Variants in MTA3 observed in about 807,000 individuals in gnomAD.
MTA3 encodes metastasis associated 1 family member 3.
MTA3 carries 34 observed loss-of-function variants against 83.5 expected under a neutral mutation model. That is an observed-to-expected ratio of 0.41 (90% CI 0.31 to 0.54). The LOEUF (loss-of-function observed/expected upper bound fraction) is 0.54. MTA3 is among the 20% of genes least tolerant of loss of function. The pLI, the probability that MTA3 is intolerant of heterozygous loss-of-function variation, is 0.33. For missense variants in MTA3, 761 were observed against 726.4 expected, an observed-to-expected ratio of 1.05 and a Z score of -0.55; for synonymous variants, 303 against 252.7, an observed-to-expected ratio of 1.20 and a Z score of -1.89.
intron 6 of MTA3, among the ~76,000 whole-genome samples, chr2:42,655,097 C>T (rs1689052639): frequency 6.6e-6 from 1 of 152,140 alleles, no homozygotes; most frequent in African/African-American, 2.4e-5. Context: ...GCTGCTATGT[C>T]TCTCTCTCTC....
chr2:42,670,259 C>CA (rs796900270), intron 8 of MTA3, among the ~76,000 whole-genome samples: 3,769 of 105,218 alleles, frequency 0.036, 105 homozygotes, highest in African/African-American at 0.097. Flanking sequence ...AACTCCGTGT[C>CA]AAAAAAAAAA....
intron 1 of MTA3, 70 bp from the exon 2 acceptor site, chr2:42,570,367 A>G: frequency 2.0e-6 from 2 of 978,554 alleles, no homozygotes; most frequent in South Asian, 3.2e-5. Context: ...GCCTAACATA[A>G]AAAGTCTTGG....
rs72865342 is a variant in MTA3 at position 42,681,123 on chromosome 2, G to C, written c.703-1278G>C. On this transcript the variant is annotated intron_variant, in intron 8 of 16. Transcript: ENST00000405094. ...CCAGGAGTTCAACGTTATGGTGCTT[G>C]TGTGTTCTAATCTATCTTTTCTCCT... Among the ~76,000 whole-genome samples, 649 of 152,308 alleles carry C rather than the reference G, an allele frequency of 4.3e-3. 6 individuals carry two copies. The highest frequency in any genetic ancestry group is 0.015 in the African/African-American group (614 of 41,566).
chr2:42,577,476 G>C (rs1237854328), intron 2 of MTA3, among the ~76,000 whole-genome samples: 2 of 151,302 alleles, frequency 1.3e-5, no homozygotes, highest in African/African-American at 4.9e-5. Flanking sequence ...TGAAACTGTT[G>C]ATTTGGATTT....
chr2:42,525,732 A>T (rs561527720), intron 2 of MTA3, among the ~76,000 whole-genome samples: 5 of 151,194 alleles, frequency 3.3e-5, no homozygotes, highest in African/African-American at 1.2e-4. Context: ...ATCTCGGCTC[A>T]CTGTAACCTC....
chr2:42,603,826 C>T (rs1682880391), intron 3 of MTA3, among the ~76,000 whole-genome samples: 1 of 151,856 alleles, frequency 6.6e-6, no homozygotes, highest in Non-Finnish European at 1.5e-5. Flanking sequence ...TGATGGCTCA[C>T]TGCAAGCCCC....
At chr2:42,667,629 G>GTGTGT (rs1558562547) in intron 8 of MTA3, among the ~76,000 whole-genome samples, 6 of 104,288 alleles carry the variant, frequency 5.8e-5, no homozygotes, top group South Asian at 3.2e-4. Context: ...GAAAGAGAGA[G>GTGTGT]AGAGAGAGAG....
At chr2:42,528,981 G>C (rs1675839520) in intron 2 of MTA3, among the ~76,000 whole-genome samples, 1 of 152,194 alleles carries the variant, frequency 6.6e-6, no homozygotes, top group South Asian at 2.1e-4. Flanking sequence ...GCAAAACTTG[G>C]AGATTGGTAC....
At chr2:42,632,986 C>T (rs1350542685) in intron 4 of MTA3, among the ~76,000 whole-genome samples, 3 of 151,370 alleles carry the variant, frequency 2.0e-5, no homozygotes, top group Admixed American at 1.3e-4. Flanking sequence ...AAAATACAGT[C>T]GGGCATGGTG....
intron 2 of MTA3, among the ~76,000 whole-genome samples, chr2:42,523,325 T>C (rs549501389): frequency 4.1e-4 from 63 of 152,298 alleles, no homozygotes; most frequent in African/African-American, 1.5e-3. Flanking sequence ...GGGTAAGGTA[T>C]GGCCAAGTAC....
chr2:42,522,316 C>G (rs748834549), intron 2 of MTA3, among the ~76,000 whole-genome samples: 1 of 152,156 alleles, frequency 6.6e-6, no homozygotes, highest in Non-Finnish European at 1.5e-5. Context: ...AGGGTACAAT[C>G]AGAGCACTGT....
At chr2:42,505,315 C>A (rs1674583070) in intron 2 of MTA3, among the ~76,000 whole-genome samples, 1 of 152,160 alleles carries the variant, frequency 6.6e-6, no homozygotes, top group South Asian at 2.1e-4. Flanking sequence ...TCGCTTGAAC[C>A]TGGTAGGCGG....
chr2:42,679,435 C>CTAGG (rs1333965472), intron 8 of MTA3, among the ~76,000 whole-genome samples: 2 of 152,188 alleles, frequency 1.3e-5, no homozygotes, highest in Non-Finnish European at 2.9e-5. Context: ...CAATGTGCAA[C>CTAGG]TAGGCTTCAC....
chr2:42,678,825 T>C (rs918588753), intron 8 of MTA3, among the ~76,000 whole-genome samples: 3 of 152,228 alleles, frequency 2.0e-5, no homozygotes, highest in Admixed American at 6.5e-5. Context: ...TGCATACTTT[T>C]GCTAATAATG....
chr2:42,736,229 C>T (rs1192730432), intron 16 of MTA3, among the ~76,000 whole-genome samples: 2 of 152,076 alleles, frequency 1.3e-5, no homozygotes, highest in African/African-American at 4.8e-5. Flanking sequence ...GGGAGAATTC[C>T]CTGGATTACT....
rs1693344349 is a variant in MTA3, at chr2:42,695,843, A to G, written c.966+4A>G. On this transcript the variant is annotated splice_donor_region_variant and intron_variant, in intron 10 of 16. Transcript: ENST00000405094. ...TACTGACAGATATGTGCAACAGGTA[A>G]TTTTTTTCATATTGCTACCAATATG... The G allele has an allele frequency of 6.5e-7, 1 of 1,545,124 alleles. No homozygotes were observed. The highest frequency in any genetic ancestry group is 8.8e-7 in the Non-Finnish European group (1 of 1,136,268).
intron 8 of MTA3, among the ~76,000 whole-genome samples, chr2:42,666,747 T>C (rs1347675701): frequency 6.6e-6 from 1 of 152,204 alleles, no homozygotes; most frequent in Non-Finnish European, 1.5e-5. Context: ...GTGTAGTTAC[T>C]GCATCTGTTT....
chr2:42,494,703 A>G (rs1300776374), exon 1 of MTA3: 1 of 152,338 alleles, frequency 6.6e-6, no homozygotes, highest in Non-Finnish European at 1.5e-5. Flanking sequence ...TGCTGCCCTT[A>G]GAGTGGGATG....
At chr2:42,623,469 G>T (rs1258688384) in intron 4 of MTA3, among the ~76,000 whole-genome samples, 1 of 152,106 alleles carries the variant, frequency 6.6e-6, no homozygotes, top group Non-Finnish European at 1.5e-5. Flanking sequence ...CTTTTCTTCA[G>T]TCCTCTAGAG....
Sources: gnomAD v4.1 joint callset for allele counts (sites outside exome capture counted in the v4.1 genomes callset) on GRCh38, gnomAD v4.1.1 for gene constraint, MANE v1.5 for transcripts, NCBI Gene and HGNC (gene_info 2026-07-23, HGNC 2026-07-21) for gene names.